PLCB4: variants seen among roughly 807,000 people sequenced by gnomAD.
PLCB4 encodes the protein 1-phosphatidylinositol 4,5-bisphosphate phosphodiesterase beta-4.
A neutral mutation model predicts 178.8 loss-of-function variants in PLCB4; 77 were observed. That is an observed-to-expected ratio of 0.43 (90% CI 0.36 to 0.52). The LOEUF is 0.52. PLCB4 is among the 20% of genes least tolerant of loss of function. The pLI is 0.00. For missense variants in PLCB4, 1,024 were observed against 1,453.4 expected, an observed-to-expected ratio of 0.70 and a Z score of 4.80; for synonymous variants, 496 against 490.8, an observed-to-expected ratio of 1.01 and a Z score of -0.14.
chr20:9,208,505 A>AG (rs2147227317), intron 2 of PLCB4, among the ~76,000 whole-genome samples: 1 of 152,222 alleles, frequency 6.6e-6, no homozygotes, highest in East Asian at 1.9e-4. Flanking sequence ...GGATATATTA[A>AG]GCAGGATTTT....
In PLCB4 at chr20:9,429,888, C is replaced by T. The variant is rs1008589490; in HGVS notation, c.2525-5672C>T. On this transcript the variant is annotated intron_variant, in intron 28 of 39. Transcript: ENST00000378473. ...CAGGTATTCAAATGCCATTCTTCTG[C>T]ATTGTTCTATAACTCCAGCTACAGA... Among the ~76,000 whole-genome samples the T allele has an allele frequency of 4.6e-5, 7 of 152,170 alleles. No individual in the cohort carries two copies. In the East Asian group the frequency reaches 9.6e-4, roughly 21 times the overall value.
chr20:9,230,141 A>G (rs2093916129), intron 3 of PLCB4, among the ~76,000 whole-genome samples: 2 of 152,130 alleles, frequency 1.3e-5, no homozygotes, highest in African/African-American at 2.4e-5. Flanking sequence ...TTTGCTGTGT[A>G]CACTCACATT....
In PLCB4 at chr20:9,100,797, T is replaced by C. The variant is rs1311303375; in HGVS notation, c.-79+4455T>C. 9.9e-5 allele frequency among the ~76,000 whole-genome samples: 15 copies of C among 152,196 alleles called. No individual in the cohort carries two copies. The South Asian group carries it at 2.3e-3, about 23-fold the overall frequency. On this transcript the variant is annotated intron_variant, in intron 2 of 39. Coordinates refer to ENST00000378473, the MANE Select transcript of PLCB4 (RefSeq NM_001377142.1). ...TAGACTCACATATTGTTTCACGTTA[T>C]GTTTTGAGTTCTTAAGCATATTGTC...
chr20:9,225,507 T>C (rs1324600673), intron 3 of PLCB4, among the ~76,000 whole-genome samples: 1 of 152,236 alleles, frequency 6.6e-6, no homozygotes, highest in Non-Finnish European at 1.5e-5. Context: ...TTAGATTTTG[T>C]AGTTTCTTTG....
intron 7 of PLCB4, among the ~76,000 whole-genome samples, chr20:9,341,268 T>C (rs2033159181): frequency 6.6e-6 from 1 of 152,094 alleles, no homozygotes; most frequent in Admixed American, 6.6e-5. Context: ...CCTTGAACAA[T>C]GTGGGGGTTA....
rs1190889910 is a variant in PLCB4 at position 9,100,382 on chromosome 20, AT to A, written c.-79+4048del. Among the ~76,000 whole-genome samples, 4 of 152,066 alleles carry A rather than the reference AT, an allele frequency of 2.6e-5. No homozygotes were observed. In the East Asian group the frequency reaches 7.7e-4, roughly 29 times the overall value. On this transcript the variant is annotated intron_variant, in intron 2 of 39. Transcript: ENST00000378473. ...AATTTAATTTTATTTGTTATTGTTA[AT>A]TTTTTTTAGAGACAGGGTCTTGCTC...
At chr20:9,069,812 A>G (rs1041942651) in intron 1 of PLCB4, among the ~76,000 whole-genome samples, 2 of 152,196 alleles carry the variant, frequency 1.3e-5, no homozygotes, top group East Asian at 3.8e-4. Flanking sequence ...TCTAATTTCC[A>G]AGTGTGTTTA....
chr20:9,287,311 TTA>T (rs1272367935), intron 3 of PLCB4, among the ~76,000 whole-genome samples: 3 of 152,012 alleles, frequency 2.0e-5, no homozygotes, highest in African/African-American at 7.2e-5. Context: ...ACAGAAGGGA[TTA>T]TGAAGATAAC....
In PLCB4 at chr20:9,127,627, C is replaced by A. The variant is rs369944107; in HGVS notation, c.-79+31285C>A. On this transcript the variant is annotated intron_variant, in intron 2 of 39. Transcript: ENST00000378473. The stretch of plus-strand genomic sequence containing the variant: ...CTCAACATTTAACTTTTAAAAAAAA[C>A]GGTGGTAAAATTATCTATCTATCTA... Among the ~76,000 whole-genome samples the A allele has an allele frequency of 1.4e-4, 20 of 142,478 alleles. No individual in the cohort carries two copies. In the East Asian group the frequency reaches 3.0e-3, roughly 21 times the overall value. The allele number at this position is 142,478 out of a possible 152,430, so 93.5% of individuals were successfully genotyped here.
chr20:9,334,356 A>G (rs2032139102), intron 4 of PLCB4, among the ~76,000 whole-genome samples: 1 of 152,280 alleles, frequency 6.6e-6, no homozygotes, highest in African/African-American at 2.4e-5. Flanking sequence ...CTCAGATGGT[A>G]TGAAGAGAGG....
At chr20:9,101,088 C>T (rs1391206237) in intron 2 of PLCB4, among the ~76,000 whole-genome samples, 1 of 152,124 alleles carries the variant, frequency 6.6e-6, no homozygotes, top group Admixed American at 6.5e-5. Flanking sequence ...CAGAGGTTGC[C>T]TGCTGTCCAT....
At chr20:9,249,553 C>A (rs1040635733) in intron 3 of PLCB4, among the ~76,000 whole-genome samples, 3 of 152,246 alleles carry the variant, frequency 2.0e-5, no homozygotes, top group East Asian at 1.9e-4. Flanking sequence ...TGGCTTCAAG[C>A]GTCAGTCTCC....
At chr20:9,267,042 G>A (rs1252588838) in intron 3 of PLCB4, among the ~76,000 whole-genome samples, 1 of 152,074 alleles carries the variant, frequency 6.6e-6, no homozygotes, top group Admixed American at 6.6e-5. Flanking sequence ...GGGTGGAAAT[G>A]GAGCACGACA....
rs151159016 is a variant in PLCB4 at position 9,391,043 on chromosome 20, C to A, written c.1323+428C>A. ...GCCCTCCAGGTGAACTGTATATGCA[C>A]CCGGTATTCAGAACCCATGGGAGGC... On this transcript the variant is annotated intron_variant, in intron 17 of 39. Transcript: ENST00000378473. Among the ~76,000 whole-genome samples, 399 of 152,234 alleles carry A rather than the reference C, an allele frequency of 2.6e-3. 2 individuals carry two copies. Among genetic ancestry groups the A allele is most frequent in the African/African-American group, 8.5e-3 (354 of 41,542 alleles).
rs191784378 is a variant in PLCB4, at chr20:9,470,061, G to A, written c.3350+1389G>A. Reference sequence around the variant, plus strand: ...GCTGTTTTATGAGCCAGGTGCAGTGGCTCACACCTGTAATCCCAGCACTTT... The same window carrying A: ...GCTGTTTTATGAGCCAGGTGCAGTGACTCACACCTGTAATCCCAGCACTTT... On this transcript the variant is annotated intron_variant, in intron 36 of 39. Coordinates refer to ENST00000378473, the MANE Select transcript of PLCB4 (RefSeq NM_001377142.1). 4.5e-3 allele frequency among the ~76,000 whole-genome samples: 679 copies of A among 152,312 alleles called. 2 individuals are homozygous for A. Among genetic ancestry groups the A allele is most frequent in the Middle Eastern group, 0.01 (3 of 294 alleles).
At chr20:9,203,385 C>A (rs1385181968) in intron 2 of PLCB4, among the ~76,000 whole-genome samples, 1 of 152,128 alleles carries the variant, frequency 6.6e-6, no homozygotes, top group African/African-American at 2.4e-5. Context: ...AGCTTCCTAC[C>A]AGCAGGTTAG....
intron 11 of PLCB4, among the ~76,000 whole-genome samples, chr20:9,372,744 A>T (rs147614680): frequency 6.6e-6 from 1 of 152,102 alleles, no homozygotes; most frequent in Non-Finnish European, 1.5e-5. Flanking sequence ...ATTCATTCCA[A>T]TTATTTCAAA....
At chr20:9,302,369 T>C (rs1026531253) in intron 3 of PLCB4, among the ~76,000 whole-genome samples, 2 of 152,150 alleles carry the variant, frequency 1.3e-5, no homozygotes, top group Admixed American at 1.3e-4. Context: ...GATCAAACTG[T>C]AGTGAAACAG....
At chr20:9,083,632 G>A (rs59867941) in intron 1 of PLCB4, among the ~76,000 whole-genome samples, 3,324 of 151,830 alleles carry the variant, frequency 0.022, 115 homozygotes, top group African/African-American at 0.074. Context: ...GTATAATTAC[G>A]ACCATTCGAT....
Sources: allele counts gnomAD v4.1 joint callset (sites outside exome capture counted in the v4.1 genomes callset), GRCh38; gene constraint gnomAD v4.1.1; transcripts MANE v1.5; gene names NCBI Gene and HGNC (gene_info 2026-07-23, HGNC 2026-07-21).